The following SMAP1 variants were observed in gnomAD, a reference collection of about 807,000 sequenced individuals.
SMAP1 encodes the protein stromal membrane-associated protein 1.
SMAP1 carries 24 observed loss-of-function variants against 58.5 expected under a neutral mutation model. The ratio of observed to expected loss-of-function variants is 0.41; its 90% CI spans 0.30 to 0.58. The LOEUF (loss-of-function observed/expected upper bound fraction) is 0.58. Ranked by LOEUF, SMAP1 falls within the 20% of genes least tolerant of loss-of-function variation. SMAP1 has a pLI of 0.29. For missense variants in SMAP1, 563 were observed against 566.3 expected, an observed-to-expected ratio of 0.99 and a Z score of 0.06; for synonymous variants, 216 against 196.6, an observed-to-expected ratio of 1.10 and a Z score of -0.82.
intron 3 of SMAP1, among the ~76,000 whole-genome samples, chr6:70,769,084 G>A (rs557200666): frequency 2.6e-5 from 4 of 152,168 alleles, no homozygotes; most frequent in Non-Finnish European, 5.9e-5. Context: ...TTAATCCTGA[G>A]TTCTAGTTTG....
At chr6:70,759,767 T>A (rs1375671686) in intron 3 of SMAP1, 1 of 313,608 alleles carries the variant, frequency 3.2e-6, no homozygotes, top group African/African-American at 2.2e-5. Flanking sequence ...TCAGGAAAGA[T>A]GAGATTTTTA....
intron 1 of SMAP1, among the ~76,000 whole-genome samples, chr6:70,718,819 CAAAAA>C (rs5877259): frequency 3.5e-5 from 2 of 57,546 alleles, no homozygotes; most frequent in African/African-American, 1.6e-4. Context: ...GACTCCATCT[CAAAAA>C]AAAAAAAAAA....
chr6:70,811,899 A>T (rs1376204030), intron 6 of SMAP1, among the ~76,000 whole-genome samples: 1 of 152,138 alleles, frequency 6.6e-6, no homozygotes, highest in Non-Finnish European at 1.5e-5. Context: ...GTCGTACCAA[A>T]TCTTGTATAT....
At position 70,860,035 on chromosome 6, in the gene SMAP1, A is replaced by G. The variant is rs1771640349; in HGVS notation, c.1270-165A>G. ...CTAGAAAGTAGATAAAGAAGGGAAC[A>G]AAGTAGCTATTTGCTTTAAGAAATA... On this transcript the variant is annotated intron_variant, in intron 10 of 10. Coordinates refer to ENST00000370455, the MANE Select transcript of SMAP1 (RefSeq NM_001044305.3). 4 of 665,676 alleles carry G rather than the reference A, an allele frequency of 6.0e-6. No individual in the cohort carries two copies. The South Asian group carries it at 1.3e-4, about 22-fold the overall frequency. 41.2% of individuals were successfully genotyped at this position (665,676 alleles called of 1,614,324 possible). A position where few individuals can be genotyped will look rare whatever the true frequency, so the allele number is the denominator to read the frequency against.
At chr6:70,752,721 G>C (rs1027233622) in intron 2 of SMAP1, among the ~76,000 whole-genome samples, 1 of 151,526 alleles carries the variant, frequency 6.6e-6, no homozygotes, top group Admixed American at 6.6e-5. Context: ...ATTTTCACTG[G>C]TTCTTTCACT....
intron 4 of SMAP1, among the ~76,000 whole-genome samples, chr6:70,787,265 G>A (rs1161896357): frequency 6.6e-6 from 1 of 152,142 alleles, no homozygotes; most frequent in Non-Finnish European, 1.5e-5. Context: ...GCTGAAACTG[G>A]ATCCCTTCCT....
intron 1 of SMAP1, among the ~76,000 whole-genome samples, chr6:70,685,465 A>G (rs1389642567): frequency 6.6e-6 from 1 of 152,148 alleles, no homozygotes; most frequent in Non-Finnish European, 1.5e-5. Context: ...ATAAATTCAG[A>G]GAAAGTAAAA....
chr6:70,685,620 A>G (rs781963), intron 1 of SMAP1, among the ~76,000 whole-genome samples: 75,641 of 152,016 alleles, frequency 0.5, 19,166 homozygotes, highest in Non-Finnish European at 0.52. Flanking sequence ...CTTAGTGGAC[A>G]TGCTTTGTAC....
chr6:70,755,202 G>A (rs141457397), intron 3 of SMAP1, 137 bp downstream of exon 3: 4 of 690,132 alleles, frequency 5.8e-6, no homozygotes, highest in Non-Finnish European at 9.6e-6. Context: ...TTGACTTGCT[G>A]TGAGCTGTGC....
intron 1 of SMAP1, chr6:70,668,851 T>C: frequency 9.4e-7 from 1 of 1,068,518 alleles, no homozygotes; most frequent in East Asian, 2.6e-5. Context: ...GGTGGGTTTG[T>C]ATTTCTGAAG....
chr6:70,827,389 A>G (rs983034778), intron 6 of SMAP1, among the ~76,000 whole-genome samples: 2 of 152,164 alleles, frequency 1.3e-5, no homozygotes, highest in African/African-American at 4.8e-5. Flanking sequence ...CACAAAAGAA[A>G]ATGTCATTGA....
At chr6:70,784,202 A>G (rs1767898418) in intron 4 of SMAP1, among the ~76,000 whole-genome samples, 1 of 152,184 alleles carries the variant, frequency 6.6e-6, no homozygotes. Context: ...CAGCCAAACT[A>G]AGCTTCATAA....
In SMAP1 at chr6:70,860,618, T is replaced by G. The variant is rs1771676711; in HGVS notation, c.*284T>G. On this transcript the variant is annotated 3_prime_UTR_variant, in exon 11 of 11. Transcript: ENST00000370455. ...TCAACTTGCAAAATCAGTTTTCCTC[T>G]CAATAAAATTATAGCTCTAATGTTT... is the stretch of plus-strand genomic sequence containing the variant. 2 of 433,202 alleles carry G rather than the reference T, an allele frequency of 4.6e-6. No individual in the cohort carries two copies. Among genetic ancestry groups the G allele is most frequent in the Non-Finnish European group, 8.1e-6 (2 of 246,412 alleles). 26.8% of individuals were successfully genotyped at this position (433,202 alleles called of 1,614,324 possible). A position where few individuals can be genotyped will look rare whatever the true frequency, so the allele number is the denominator to read the frequency against.
intron 6 of SMAP1, among the ~76,000 whole-genome samples, chr6:70,808,354 T>C (rs908644590): frequency 3.3e-5 from 5 of 152,266 alleles, no homozygotes; most frequent in African/African-American, 1.2e-4. Context: ...TAGACCTTAA[T>C]GTGTCTTTCA....
chr6:70,701,211 GC>G (rs781587574), intron 1 of SMAP1, among the ~76,000 whole-genome samples: 5 of 152,098 alleles, frequency 3.3e-5, no homozygotes, highest in Non-Finnish European at 7.4e-5. Flanking sequence ...CTTCCTAGTA[GC>G]TGGGACTATA....
intron 6 of SMAP1, among the ~76,000 whole-genome samples, chr6:70,819,421 A>G (rs554331666): frequency 1.1e-4 from 17 of 152,098 alleles, no homozygotes; most frequent in Non-Finnish European, 2.2e-4. Context: ...GATAAGTTCT[A>G]TGTTCATTCA....
intron 6 of SMAP1, among the ~76,000 whole-genome samples, chr6:70,801,437 G>A (rs1445305541): frequency 6.6e-6 from 1 of 151,490 alleles, no homozygotes; most frequent in Non-Finnish European, 1.5e-5. Flanking sequence ...TGAGTAAATT[G>A]CAAAAATTTT....
chr6:70,836,846 CACTA>C (rs1471819348), intron 6 of SMAP1, 91 bp from the exon 7 acceptor site: 1 of 970,480 alleles, frequency 1.0e-6, no homozygotes, highest in Non-Finnish European at 1.5e-6. Flanking sequence ...ATTTTTTTTA[CACTA>C]ACTTTATCAG....
intron 7 of SMAP1, among the ~76,000 whole-genome samples, chr6:70,844,924 G>A (rs1770931577): frequency 6.6e-6 from 1 of 152,204 alleles, no homozygotes; most frequent in Non-Finnish European, 1.5e-5. Flanking sequence ...ATTAAGGAGA[G>A]AATCACTTCA....
Sources: gnomAD v4.1 joint callset for allele counts (sites outside exome capture counted in the v4.1 genomes callset) on GRCh38, gnomAD v4.1.1 for gene constraint, MANE v1.5 for transcripts, NCBI Gene and HGNC (gene_info 2026-07-23, HGNC 2026-07-21) for gene names.